The following RBFOX1 variants were observed in gnomAD, a reference collection of about 807,000 sequenced individuals.
RBFOX1 encodes RNA binding protein fox-1 homolog 1.
A neutral mutation model predicts 57.7 loss-of-function variants in RBFOX1; 8 were observed. The ratio of observed to expected loss-of-function variants is 0.14; its 90% confidence interval spans 0.08 to 0.25. The LOEUF (loss-of-function observed/expected upper bound fraction) is 0.25, where lower values mean the gene tolerates loss of function less well. Among genes scored for constraint, RBFOX1 ranks in the 10% least tolerant of loss-of-function variants. The pLI is 1.00. For missense variants in RBFOX1, 611 were observed against 548.5 expected (o/e 1.11, Z -1.14); for synonymous variants, 326 against 222.4 (o/e 1.47, Z -4.15).
At chr16:7,169,646 T>A (rs1357504653) in intron 4 of RBFOX1, among the ~76,000 whole-genome samples, 4 of 152,160 alleles carry the variant, frequency 2.6e-5, no homozygotes, top group Non-Finnish European at 5.9e-5. Context: ...AAATTCAGAG[T>A]GAATGACAGA....
chr16:6,747,445 AGTCT>A (rs367859716), intron 3 of RBFOX1, among the ~76,000 whole-genome samples: 3,233 of 83,264 alleles, frequency 0.039, 121 homozygotes, highest in African/African-American at 0.12. Context: ...TCAGTCAGTT[AGTCT>A]GTCTGTCTGT....
intron 3 of RBFOX1, among the ~76,000 whole-genome samples, chr16:5,757,141 C>G (rs2151634247): frequency 6.6e-6 from 1 of 152,086 alleles, no homozygotes; most frequent in East Asian, 1.9e-4. Context: ...GCATAGCTGC[C>G]AAGCTTGCCC....
At chr16:5,978,471 T>A (rs961086854) in intron 4 of RBFOX1, among the ~76,000 whole-genome samples, 3 of 152,150 alleles carry the variant, frequency 2.0e-5, no homozygotes, top group Non-Finnish European at 4.4e-5. Context: ...ACAGGGTAGG[T>A]TTGTTGTAAT....
chr16:6,542,766 A>G (rs988634633), intron 2 of RBFOX1, among the ~76,000 whole-genome samples: 1 of 151,952 alleles, frequency 6.6e-6, no homozygotes, highest in South Asian at 2.1e-4. Flanking sequence ...TGCTGGGATT[A>G]CAGGTGTGAA....
chr16:6,585,584 A>G (rs1010906488), intron 2 of RBFOX1, among the ~76,000 whole-genome samples: 9 of 152,134 alleles, frequency 5.9e-5, no homozygotes, highest in Non-Finnish European at 1.2e-4. Flanking sequence ...TGGGCTGGGT[A>G]GGACTCTTCC....
intron 4 of RBFOX1, among the ~76,000 whole-genome samples, chr16:7,073,003 C>G (rs2057633764): frequency 1.3e-5 from 2 of 152,188 alleles, no homozygotes; most frequent in African/African-American, 4.8e-5. Flanking sequence ...TGTGCAGGGT[C>G]AGGCTTTGTG....
chr16:5,680,232 C>T (rs971682257), intron 3 of RBFOX1, among the ~76,000 whole-genome samples: 2 of 152,106 alleles, frequency 1.3e-5, no homozygotes, highest in Admixed American at 6.5e-5. Flanking sequence ...GATTTGGGTG[C>T]AGTGTGGCTT....
chr16:5,533,337 A>G (rs1363616411), intron 2 of RBFOX1, among the ~76,000 whole-genome samples: 1 of 152,210 alleles, frequency 6.6e-6, no homozygotes, highest in African/African-American at 2.4e-5. Context: ...GGCTAATTTC[A>G]AAAGGAAAGG....
At chr16:7,386,811 C>T (rs937318260) in intron 4 of RBFOX1, among the ~76,000 whole-genome samples, 3 of 152,118 alleles carry the variant, frequency 2.0e-5, no homozygotes, top group Non-Finnish European at 2.9e-5. Context: ...ACACTGTCTT[C>T]CACAATGGTT....
At chr16:6,005,281 T>G (rs542728180) in intron 4 of RBFOX1, among the ~76,000 whole-genome samples, 1 of 152,316 alleles carries the variant, frequency 6.6e-6, no homozygotes, top group African/African-American at 2.4e-5. Flanking sequence ...TGATCACACC[T>G]TCCAGGAACT....
chr16:7,513,090 C>T (rs1340587977), intron 4 of RBFOX1, among the ~76,000 whole-genome samples: 1 of 151,730 alleles, frequency 6.6e-6, no homozygotes, highest in Non-Finnish European at 1.5e-5. Flanking sequence ...AGTAAAACGC[C>T]GTCTCTACTA....
intron 1 of RBFOX1, among the ~76,000 whole-genome samples, chr16:5,377,116 A>T (rs1416696150): frequency 2.0e-5 from 3 of 151,656 alleles, no homozygotes; most frequent in Non-Finnish European, 2.9e-5. Flanking sequence ...TGGCTTAGTC[A>T]TGCAGTTGAA....
chr16:6,165,186 G>C (rs2096908173), intron 1 of RBFOX1, among the ~76,000 whole-genome samples: 2 of 152,146 alleles, frequency 1.3e-5, no homozygotes, highest in Admixed American at 1.3e-4. Flanking sequence ...CACCTGACAA[G>C]ATTACCCTGT....
At chr16:7,072,888 G>A (rs999177311) in intron 4 of RBFOX1, among the ~76,000 whole-genome samples, 8 of 152,228 alleles carry the variant, frequency 5.3e-5, no homozygotes, top group Admixed American at 1.3e-4. Flanking sequence ...TGGGGATGAG[G>A]AAGTAGCTGG....
intron 4 of RBFOX1, among the ~76,000 whole-genome samples, chr16:7,491,739 TCC>T (rs1343025524): frequency 6.6e-6 from 1 of 152,126 alleles, no homozygotes. Flanking sequence ...CAAGCAATCC[TCC>T]TGCTTCAGCC....
At chr16:7,439,949 C>CTTTTTT (rs144449326) in intron 4 of RBFOX1, among the ~76,000 whole-genome samples, 2 of 94,062 alleles carry the variant, frequency 2.1e-5, no homozygotes, top group Non-Finnish European at 5.1e-5. Context: ...TCTTTTCTTT[C>CTTTTTT]TTTTTTTTTT....
chr16:5,897,182 C>T (rs1018937387), intron 4 of RBFOX1, among the ~76,000 whole-genome samples: 1 of 151,778 alleles, frequency 6.6e-6, no homozygotes, highest in Admixed American at 6.6e-5. Flanking sequence ...ACTACAGGCG[C>T]CCGCCACCGC....
At chr16:7,666,667 G>A (rs369673902) in intron 13 of RBFOX1, among the ~76,000 whole-genome samples, 4 of 152,264 alleles carry the variant, frequency 2.6e-5, no homozygotes, top group South Asian at 2.1e-4. Flanking sequence ...TGTCTGTATC[G>A]ATTGGGGCAT....
chr16:6,264,152 T>C (rs1015076713), intron 1 of RBFOX1, among the ~76,000 whole-genome samples: 1 of 152,224 alleles, frequency 6.6e-6, no homozygotes, highest in Non-Finnish European at 1.5e-5. Context: ...GTTCCTTTTC[T>C]TGCAAGTTGC....
Sources: allele counts gnomAD v4.1 joint callset (sites outside exome capture counted in the v4.1 genomes callset), GRCh38; gene constraint gnomAD v4.1.1; transcripts MANE v1.5; gene names NCBI Gene and HGNC (gene_info 2026-07-23, HGNC 2026-07-21).